MRC1: variants seen among roughly 807,000 people sequenced by gnomAD.
MRC1 encodes the protein macrophage mannose receptor 1.
A neutral mutation model predicts 102.9 loss-of-function variants in MRC1; 62 were observed. That is an observed-to-expected ratio of 0.60 (90% CI 0.49 to 0.74). MRC1 has a LOEUF of 0.74. MRC1 is among the 30% of genes least tolerant of loss of function. MRC1 has a pLI of 0.00. For synonymous variants in MRC1, 457 were observed against 298.4 expected (o/e 1.53, Z -5.48); for missense variants, 1,237 against 862.8 (o/e 1.43, Z -5.43).
chr10:17,825,579 T>A (rs1838463188), intron 2 of MRC1, among the ~76,000 whole-genome samples: 1 of 152,020 alleles, frequency 6.6e-6, no homozygotes. Context: ...AAACAAAATG[T>A]AAAAATAAGC....
At chr10:17,819,912 T>G (rs1341364276) in intron 1 of MRC1, among the ~76,000 whole-genome samples, 1 of 152,190 alleles carries the variant, frequency 6.6e-6, no homozygotes, top group African/African-American at 2.4e-5. Flanking sequence ...ACTACTGCAC[T>G]CCAGCTTGGG....
intron 4 of MRC1, among the ~76,000 whole-genome samples, 198 bp from the exon 5 acceptor site, chr10:17,840,495 G>A (rs1167131496): frequency 2.6e-5 from 4 of 152,124 alleles, no homozygotes; most frequent in South Asian, 2.1e-4. Context: ...CTCTGCCTCC[G>A]TTTCCCCACC....
At chr10:17,903,820 G>A (rs895706879) in intron 26 of MRC1, among the ~76,000 whole-genome samples, 1 of 152,194 alleles carries the variant, frequency 6.6e-6, no homozygotes. Flanking sequence ...GCCAAGCATG[G>A]TGGTGGGTGC....
In MRC1 at chr10:17,910,581, C is replaced by A; in HGVS notation, c.*116C>A. ...TGAGTACTGAATTGTACTGGTCTGT[C>A]CTTTTTTCCTTTGCCTAATTGAAGA... On this transcript the variant is annotated 3_prime_UTR_variant, in exon 30 of 30. Transcript: ENST00000569591. 1 of 736,694 alleles carries A rather than the reference C, an allele frequency of 1.4e-6. No individual in the cohort carries two copies. Among genetic ancestry groups the A allele is most frequent in the Non-Finnish European group, 2.5e-6 (1 of 399,824 alleles). 45.6% of individuals were successfully genotyped at this position (736,694 alleles called of 1,614,324 possible).
Position 17,900,833 on chromosome 10 carries a change from A to T in MRC1, c.3529A>T (p.Thr1177Ser), listed in dbSNP as rs1833819534. The T allele has an allele frequency of 3.8e-6, 3 of 780,698 alleles. No homozygotes were observed. The highest frequency in any genetic ancestry group is 1.7e-5 in the Admixed American group (1 of 59,006). The allele number at this position is 780,698 out of a possible 1,614,324, so 48.4% of individuals were successfully genotyped here. A position where few individuals can be genotyped will look rare whatever the true frequency, so the allele number is the denominator to read the frequency against. The change falls in exon 25 of 30, where the codon ACT becomes TCT. Residue 1177 changes from threonine (T) to serine (S), a missense_variant. Transcript: ENST00000569591. ...TWTDKWRVRY[T>S]NWAADEPKLK... ...GACTGATAAGTGGAGGGTGAGGTAC[A>T]CTAACTGGGCTGCTGATGAGCCCAA...
intron 7 of MRC1, among the ~76,000 whole-genome samples, chr10:17,850,422 A>C (rs1367186731): frequency 1.3e-5 from 2 of 152,082 alleles, no homozygotes; most frequent in Non-Finnish European, 2.9e-5. Context: ...GGAACATAGC[A>C]AGACCTCGTC....
chr10:17,845,979 A>G (rs1300116834), intron 6 of MRC1, among the ~76,000 whole-genome samples: 2 of 152,194 alleles, frequency 1.3e-5, no homozygotes, highest in African/African-American at 2.4e-5. Flanking sequence ...GCGCGATCTC[A>G]GCTCACTGCA....
Position 17,910,508 on chromosome 10 carries a change from T to G in MRC1, c.*43T>G. 1 of 780,476 alleles carries G rather than the reference T, an allele frequency of 1.3e-6. No individual in the cohort carries two copies. The highest frequency in any genetic ancestry group is 2.4e-6 in the Non-Finnish European group (1 of 417,770). 48.3% of individuals were successfully genotyped at this position (780,476 alleles called of 1,614,324 possible). On this transcript the variant is annotated 3_prime_UTR_variant, in exon 30 of 30. Coordinates refer to ENST00000569591, the MANE Select transcript of MRC1 (RefSeq NM_002438.4). ...GAGATATTTGAATTTCATAAAATTG[T>G]AACTGAAATTTAAAATTTTTAGTTC... is the stretch of plus-strand genomic sequence containing the variant.
In MRC1 at chr10:17,825,531, G is replaced by A. The variant is rs1169193588; in HGVS notation, c.464-2011G>A. Among the ~76,000 whole-genome samples, 8 of 152,062 alleles carry A rather than the reference G, an allele frequency of 5.3e-5. No individual in the cohort carries two copies. The East Asian group carries it at 9.7e-4, about 18-fold the overall frequency. On this transcript the variant is annotated intron_variant, in intron 2 of 29. Coordinates refer to ENST00000569591, the MANE Select transcript of MRC1 (RefSeq NM_002438.4). ...TAAGGCAAGAGGATCACTTGATTTC[G>A]GGAGTTCAAGACCAGTTTGGGCAAC...
intron 9 of MRC1, among the ~76,000 whole-genome samples, chr10:17,859,071 A>C (rs1156325788): frequency 1.3e-5 from 2 of 152,058 alleles, no homozygotes. Context: ...TGAAACCCTG[A>C]TTACTATATT....
chr10:17,878,969 T>C (rs981962167), intron 18 of MRC1, among the ~76,000 whole-genome samples: 16 of 152,204 alleles, frequency 1.1e-4, no homozygotes, highest in Non-Finnish European at 1.2e-4. Flanking sequence ...TGAATTTCTA[T>C]AATTTATAGA....
At chr10:17,906,515 C>T (rs1833897956) in intron 26 of MRC1, among the ~76,000 whole-genome samples, 2 of 152,202 alleles carry the variant, frequency 1.3e-5, no homozygotes, top group African/African-American at 4.8e-5. Flanking sequence ...ATCTGCTTCA[C>T]CAAGAATGAA....
Position 17,894,376 on chromosome 10 carries a change from T to C in MRC1, c.3250+64T>C, listed in dbSNP as rs1279216597. 7 of 719,656 alleles carry C rather than the reference T, an allele frequency of 9.7e-6. No individual in the cohort carries two copies. The Admixed American group carries it at 1.8e-4, about 18-fold the overall frequency. 44.6% of individuals were successfully genotyped at this position (719,656 alleles called of 1,614,324 possible). ...GGTTTTTTTTTCCCCACTTTTTTCT[T>C]TCTTTCTTTCTTTCTTTCTTTTTTT... On this transcript the variant is annotated intron_variant, in intron 23 of 29. Transcript: ENST00000569591.
chr10:17,849,544 T>A (rs1342604868), intron 6 of MRC1, 35 bp from the exon 7 acceptor site: 166 of 705,002 alleles, frequency 2.4e-4, no homozygotes, highest in Non-Finnish European at 3.9e-4. Context: ...TCAAATCTTT[T>A]AAAATTTTTT....
At chr10:17,867,619 C>T (rs963004066) in intron 12 of MRC1, among the ~76,000 whole-genome samples, 247 of 152,172 alleles carry the variant, frequency 1.6e-3, no homozygotes, top group Non-Finnish European at 3.1e-3. Flanking sequence ...GATGGGGTCT[C>T]ACTATGTTGC....
At chr10:17,910,139 A>G in intron 29 of MRC1, 76 bp from the exon 30 acceptor site, 1 of 770,804 alleles carries the variant, frequency 1.3e-6, no homozygotes, top group Non-Finnish European at 2.4e-6. Flanking sequence ...TTAGTTTTTC[A>G]ACAAGCGAAG....
At chr10:17,815,599 T>G (rs1838298639) in intron 1 of MRC1, among the ~76,000 whole-genome samples, 1 of 151,724 alleles carries the variant, frequency 6.6e-6, no homozygotes, top group African/African-American at 2.4e-5. Context: ...GTGTAGATAT[T>G]CATATCTTTA....
chr10:17,878,985 G>A (rs1833475448), intron 18 of MRC1, among the ~76,000 whole-genome samples: 1 of 152,156 alleles, frequency 6.6e-6, no homozygotes, highest in African/African-American at 2.4e-5. Context: ...ATAGACATAA[G>A]TTTAGCCCAC....
chr10:17,830,324 G>A (rs1317321364), intron 3 of MRC1, among the ~76,000 whole-genome samples: 1 of 151,056 alleles, frequency 6.6e-6, no homozygotes, highest in Non-Finnish European at 1.5e-5. Context: ...TAGAGAAGGG[G>A]TTTCACCATG....
Sources: gnomAD v4.1 joint callset for allele counts (sites outside exome capture counted in the v4.1 genomes callset) on GRCh38, gnomAD v4.1.1 for gene constraint, MANE v1.5 for transcripts, NCBI Gene and HGNC (gene_info 2026-07-23, HGNC 2026-07-21) for gene names.